The following CALN1 variants were observed in gnomAD, a reference collection of about 807,000 sequenced individuals.
CALN1 encodes calcium-binding protein 8.
Under a neutral mutation model 30.6 loss-of-function variants are expected in CALN1, and 17 were observed. That is an observed-to-expected ratio of 0.56 (90% CI 0.38 to 0.83). The LOEUF is 0.83. Among genes scored for constraint, CALN1 ranks in the 40% least tolerant of loss-of-function variants. The pLI is 0.00. For synonymous variants in CALN1, 156 were observed against 131.4 expected (o/e 1.19, Z -1.28); for missense variants, 291 against 354.9 (o/e 0.82, Z 1.45).
chr7:72,388,032 G>C (rs561200668), intron 2 of CALN1, among the ~76,000 whole-genome samples: 50 of 152,230 alleles, frequency 3.3e-4, no homozygotes, highest in African/African-American at 1.1e-3. Context: ...TGGTGCAAAA[G>C]TAATTGTGGG....
chr7:71,911,870 A>G (rs977375240), intron 5 of CALN1, among the ~76,000 whole-genome samples: 14 of 152,256 alleles, frequency 9.2e-5, no homozygotes, highest in Non-Finnish European at 7.3e-5. Flanking sequence ...CCGATAAAGT[A>G]ACGACGAAGA....
upstream of CALN1, among the ~76,000 whole-genome samples, chr7:72,451,236 AAGGAGGAAG>A (rs1261063492): frequency 1.2e-4 from 11 of 92,048 alleles, no homozygotes; most frequent in Admixed American, 1.0e-4. Flanking sequence ...GGAGGAGGAG[AAGGAGGAAG>A]AGGAGGAAGA....
intron 4 of CALN1, among the ~76,000 whole-genome samples, chr7:72,086,128 A>T (rs999263690): frequency 6.6e-6 from 1 of 152,238 alleles, no homozygotes; most frequent in African/African-American, 2.4e-5. Flanking sequence ...TGAAATCCAA[A>T]AGAAATCAGT....
rs576593335 is a variant in CALN1, at chr7:72,430,166, T to C, written c.-226+16876A>G. 6.0e-5 allele frequency among the ~76,000 whole-genome samples: 9 copies of C among 149,240 alleles called. No homozygotes were observed. The South Asian group carries it at 1.9e-3, about 31-fold the overall frequency. On this transcript the variant is annotated intron_variant, in intron 1 of 6. Transcript: ENST00000395276. ...TATATGTAATTATTATAGATTTATA[T>C]ATAATCGTATATTTATACATAGGTA...
At chr7:72,186,715 A>T (rs1383968267) in intron 3 of CALN1, among the ~76,000 whole-genome samples, 3 of 152,004 alleles carry the variant, frequency 2.0e-5, no homozygotes, top group African/African-American at 7.2e-5. Flanking sequence ...CTCCAGGTGC[A>T]TTTGTGTGGC....
chr7:72,202,556 G>C (rs1791517941), intron 3 of CALN1, among the ~76,000 whole-genome samples: 1 of 152,190 alleles, frequency 6.6e-6, no homozygotes, highest in South Asian at 2.1e-4. Flanking sequence ...ATGAAAATCA[G>C]ACTGACCCTG....
At chr7:72,042,456 G>A (rs985014619) in intron 4 of CALN1, among the ~76,000 whole-genome samples, 13 of 152,142 alleles carry the variant, frequency 8.5e-5, no homozygotes, top group African/African-American at 3.1e-4. Context: ...AACGAGTAGC[G>A]GCAATAGATG....
chr7:72,061,034 G>T (rs535768685), intron 4 of CALN1, among the ~76,000 whole-genome samples: 1 of 152,156 alleles, frequency 6.6e-6, no homozygotes, highest in Non-Finnish European at 1.5e-5. Flanking sequence ...GGTGGAGCAC[G>T]AGCAGAACAG....
chr7:72,001,318 G>A (rs1799517527), intron 5 of CALN1, among the ~76,000 whole-genome samples: 1 of 152,252 alleles, frequency 6.6e-6, no homozygotes, highest in African/African-American at 2.4e-5. Flanking sequence ...GATCTCAGGA[G>A]TTGGGTGAAT....
intron 4 of CALN1, among the ~76,000 whole-genome samples, chr7:72,089,572 C>T (rs1584919227): frequency 6.6e-6 from 1 of 152,064 alleles, no homozygotes; most frequent in Admixed American, 6.6e-5. Context: ...GGTAGGGCAT[C>T]GTGTACCGTA....
intron 5 of CALN1, among the ~76,000 whole-genome samples, chr7:71,897,941 C>A (rs538913101): frequency 5.8e-5 from 7 of 120,194 alleles, no homozygotes; most frequent in South Asian, 5.1e-4. Flanking sequence ...GTCAATCTAG[C>A]CAAGGAGTAG....
chr7:71,934,595 C>G (rs548311606), intron 5 of CALN1, among the ~76,000 whole-genome samples: 3 of 152,174 alleles, frequency 2.0e-5, no homozygotes, highest in Admixed American at 6.5e-5. Context: ...AATGAACTAA[C>G]AGAACGAGAA....
chr7:72,481,110 G>C, the CALN1 span, among the ~76,000 whole-genome samples: 3 of 152,164 alleles, frequency 2.0e-5, no homozygotes, highest in Admixed American at 2.0e-4. Context: ...AGGCCACCAG[G>C]CACGGCTAAT....
chr7:72,367,163 A>G (rs762720765), intron 2 of CALN1, among the ~76,000 whole-genome samples: 5 of 152,176 alleles, frequency 3.3e-5, no homozygotes, highest in Non-Finnish European at 5.9e-5. Flanking sequence ...ATACTAGTTA[A>G]CTTGGGTTGG....
chr7:72,370,192 T>C (rs1804143492), intron 2 of CALN1, among the ~76,000 whole-genome samples: 1 of 152,216 alleles, frequency 6.6e-6, no homozygotes, highest in Non-Finnish European at 1.5e-5. Context: ...ATTGTAGTTC[T>C]CATTTACATT....
chr7:71,830,033 C>CTTTTTTTT (rs67629864), intron 5 of CALN1, among the ~76,000 whole-genome samples: 17 of 136,712 alleles, frequency 1.2e-4, no homozygotes, highest in African/African-American at 4.3e-4. Flanking sequence ...GAGTAAGTTC[C>CTTTTTTTT]TTTTTTTTTT....
At chr7:72,391,181 G>A (rs1585642756) in intron 2 of CALN1, among the ~76,000 whole-genome samples, 3 of 152,242 alleles carry the variant, frequency 2.0e-5, no homozygotes, top group South Asian at 4.2e-4. Context: ...TGGTGACTTG[G>A]TAGCAGCCAC....
chr7:72,272,961 GGAAGGAGA>G (rs1427999933), intron 3 of CALN1, among the ~76,000 whole-genome samples: 1 of 151,966 alleles, frequency 6.6e-6, no homozygotes, highest in African/African-American at 2.4e-5. Flanking sequence ...CTTGGGAATG[GGAAGGAGA>G]GAAGGAGAGA....
chr7:71,837,088 C>T (rs1171981735), intron 5 of CALN1, among the ~76,000 whole-genome samples: 5 of 151,120 alleles, frequency 3.3e-5, no homozygotes, highest in East Asian at 2.0e-4. Context: ...AAAAGTTAGT[C>T]GGGCATGGTA....
Sources: allele counts gnomAD v4.1 joint callset (sites outside exome capture counted in the v4.1 genomes callset), GRCh38; gene constraint gnomAD v4.1.1; transcripts MANE v1.5; gene names NCBI Gene and HGNC (gene_info 2026-07-23, HGNC 2026-07-21).